Variants in RNF207 observed in about 807,000 individuals in gnomAD.
RNF207 encodes the protein ring finger protein 207, also known as OTTHUMG00000001089.
In RNF207, 72 loss-of-function variants were observed where a neutral mutation model predicts 79.0. That is an observed-to-expected ratio of 0.91 (90% CI 0.75 to 1.11). The LOEUF is 1.11. Ranked by LOEUF, RNF207 falls within the 50% of genes least tolerant of loss-of-function variation. The pLI, the probability that RNF207 is intolerant of heterozygous loss-of-function variation, is 0.00. For synonymous variants in RNF207, 348 were observed against 366.2 expected (o/e 0.95, Z 0.57); for missense variants, 936 against 855.8 (o/e 1.09, Z -1.17).
rs762591529 is a variant in RNF207, at chr1:6,212,662, G to A, written c.1483-20G>A. The A allele has an allele frequency of 1.9e-6, 3 of 1,610,370 alleles. No individual in the cohort carries two copies. The highest frequency in any genetic ancestry group is 1.7e-6 in the Non-Finnish European group (2 of 1,176,684). ...AATTCAGCTCACTGCCACATCCAAT[G>A]TCCAGCTTTTCTCTTTCAGATTTGG... On this transcript the variant is annotated intron_variant, in intron 14 of 17. Transcript: ENST00000377939.
intron 7 of RNF207, 24 bp from the exon 8 acceptor site, chr1:6,209,900 G>A (rs376649595): frequency 3.2e-6 from 5 of 1,568,556 alleles, no homozygotes; most frequent in Non-Finnish European, 4.3e-6. Context: ...CGCAAATCAA[G>A]AGCATGCTCG....
Position 6,211,234 on chromosome 1 carries a change from C to G in RNF207, c.1109+116C>G, listed in dbSNP as rs889175082. The G allele has an allele frequency of 2.8e-6, 2 of 702,422 alleles. No individual in the cohort carries two copies. Among genetic ancestry groups the G allele is most frequent in the African/African-American group, 3.6e-5 (2 of 56,022 alleles). 43.5% of individuals were successfully genotyped at this position (702,422 alleles called of 1,614,324 possible). On this transcript the variant is annotated intron_variant, in intron 12 of 17. Transcript: ENST00000377939. This position sits in a 1 kb window ranked among gnomAD's most constrained non-coding sequence, Gnocchi z 4.2. ...AGCCAGGTGCCACCATTCCTTCCTC[C>G]GTCCTTAGCTCGCCACCCTCCCAGC...
Position 6,213,109 on chromosome 1 carries a change from C to T in RNF207, c.1578C>T (p.Tyr526=), listed in dbSNP as rs886713465. ...DLLQLRQENA[Y]LTTITKQITP... is the part of the protein sequence containing the mutation. ...TCCAGCTGAGGCAGGAGAATGCCTA[C>T]CTGACCACCATCACCAAGCAGATCA... The change falls in exon 16 of 18, where the codon TAC becomes TAT. Residue 526 remains tyrosine (Y), a synonymous_variant. Coordinates refer to ENST00000377939, the MANE Select transcript of RNF207 (RefSeq NM_207396.3). 1.9e-6 allele frequency: 3 copies of T among 1,613,602 alleles called. No homozygotes were observed. Among genetic ancestry groups the T allele is most frequent in the Admixed American group, 1.7e-5 (1 of 59,980 alleles).
chr1:6,213,119 A>T lies in RNF207; in HGVS notation c.1588A>T (p.Ile530Phe). ...GCAGGAGAATGCCTACCTGACCACC[A>T]TCACCAAGCAGATCACGCCCTACGT... ...LRQENAYLTT[I>F]TKQITPYVRS... The change falls in exon 16 of 18, where the codon ATC becomes TTC. Residue 530 changes from isoleucine (I) to phenylalanine (F), a missense_variant. Coordinates refer to ENST00000377939, the MANE Select transcript of RNF207 (RefSeq NM_207396.3). 3 of 1,613,388 alleles carry T rather than the reference A, an allele frequency of 1.9e-6. No individual in the cohort carries two copies. The highest frequency in any genetic ancestry group is 2.5e-6 in the Non-Finnish European group (3 of 1,179,794).
At chr1:6,216,085 T>C (rs1380892413) in intron 16 of RNF207, among the ~76,000 whole-genome samples, 1 of 152,200 alleles carries the variant, frequency 6.6e-6, no homozygotes, top group Non-Finnish European at 1.5e-5. Context: ...GTATGCACAC[T>C]GGGTTTTCTG....
chr1:6,209,520 C>A lies in RNF207; in HGVS notation c.734C>A (p.Ala245Asp). 6.8e-7 allele frequency: 1 copy of A among 1,468,490 alleles called. No individual in the cohort carries two copies. The highest frequency in any genetic ancestry group is 8.9e-7 in the Non-Finnish European group (1 of 1,118,516). The allele number at this position is 1,468,490 out of a possible 1,614,324, so 91.0% of individuals were successfully genotyped here. A position where few individuals can be genotyped will look rare whatever the true frequency, so the allele number is the denominator to read the frequency against. The change falls in exon 7 of 18, where the codon GCC becomes GAC. Residue 245 changes from alanine to aspartate, a missense_variant. Coordinates refer to ENST00000377939, the MANE Select transcript of RNF207 (RefSeq NM_207396.3). ...SAAEEEDAIH[A>D]LFGSMQDRLA... ...GCCGAGGAGGAGGACGCTATCCACGCCCTCTTCGGCAGCATGCAGGTGAGG... is the reference window on the plus strand; with the variant it reads ...GCCGAGGAGGAGGACGCTATCCACGACCTCTTCGGCAGCATGCAGGTGAGG...
chr1:6,210,893 C>T lies in RNF207; in HGVS notation c.966C>T (p.Gly322=). Residue 322 remains glycine, a synonymous_variant, in exon 11 of 18, where the codon GGC becomes GGT. Coordinates refer to ENST00000377939, the MANE Select transcript of RNF207 (RefSeq NM_207396.3). ...AGGAGCTGATGGAGAGGCTGCAGGG[C>T]ATCGTCACGCGGCCGCACCACCTAA... ...LGYELMERLQ[G]IVTRPHHLRP... The T allele has an allele frequency of 1.2e-6, 2 of 1,604,350 alleles. No individual in the cohort carries two copies. Among genetic ancestry groups the T allele is most frequent in the Non-Finnish European group, 1.7e-6 (2 of 1,176,600 alleles).
rs1668416286 is a variant in RNF207, at chr1:6,217,964, G to A, written c.1653-325G>A. ...CCCTCAGTCGGGCCCCAGCTTGGAT[G>A]AGTGTCAGCAGAGGCCCTCCCCACT... On this transcript the variant is annotated intron_variant, in intron 16 of 17. Transcript: ENST00000377939. The surrounding 1 kb of genome is among the most constrained non-coding windows in gnomAD (Gnocchi z 4.2). Among the ~76,000 whole-genome samples the A allele has an allele frequency of 6.6e-6, 1 of 152,214 alleles. No homozygotes were observed. Among genetic ancestry groups the A allele is most frequent in the Non-Finnish European group, 1.5e-5 (1 of 68,046 alleles).
intron 16 of RNF207, among the ~76,000 whole-genome samples, chr1:6,214,882 G>A (rs1008748466): frequency 5.9e-5 from 9 of 151,578 alleles, no homozygotes; most frequent in Non-Finnish European, 7.4e-5. Context: ...TCATCTACCC[G>A]CCTCGCCCTC....
At chr1:6,209,569 CCCAG>C (rs1553147796) in intron 7 of RNF207, 30 bp downstream of exon 7, 17 of 1,436,402 alleles carry the variant, frequency 1.2e-5, no homozygotes, top group Non-Finnish European at 1.4e-5. Flanking sequence ...GGATAAACGA[CCCAG>C]CCGGGACCTG....
chr1:6,211,895 CT>C lies in RNF207; in HGVS notation c.1139del (p.Leu380ArgfsTer10). The C allele has an allele frequency of 1.9e-6, 3 of 1,549,636 alleles. No homozygotes were observed. The highest frequency in any genetic ancestry group is 1.4e-5 in the African/African-American group (1 of 73,138). On this transcript the variant is annotated frameshift_variant, in exon 13 of 18. Transcript: ENST00000377939. LOFTEE classifies it high-confidence loss of function. The surrounding 1 kb of genome is among the most constrained non-coding windows in gnomAD (Gnocchi z 4.2). The part of the protein sequence containing the change: ...TLAGGLGPKA[L>X]TGPHCPSPVG... ...GGCAGGGGGCTTAGGCCCCAAGGCG[CT>C]GACGGGGCCCCACTGCCCCTCCCCA...
At position 6,211,157 on chromosome 1, in the gene RNF207, A is replaced by C; in HGVS notation, c.1109+39A>C. The C allele has an allele frequency of 7.1e-6, 10 of 1,403,480 alleles. No individual in the cohort carries two copies. The highest frequency in any genetic ancestry group is 9.7e-6 in the Non-Finnish European group (10 of 1,028,914). The allele number at this position is 1,403,480 out of a possible 1,614,324, so 86.9% of individuals were successfully genotyped here. On this transcript the variant is annotated intron_variant, in intron 12 of 17. Coordinates refer to ENST00000377939, the MANE Select transcript of RNF207 (RefSeq NM_207396.3). This position sits in a 1 kb window ranked among gnomAD's most constrained non-coding sequence, Gnocchi z 4.2. ...GGGGAGGCCAGGCACAAGGTCCCCAACACTGGGGTGTGGGGGAGGGTGGGC... is the reference window on the plus strand; with the variant it reads ...GGGGAGGCCAGGCACAAGGTCCCCACCACTGGGGTGTGGGGGAGGGTGGGC...
rs761450850 is a variant in RNF207, at chr1:6,208,931, G to C, written c.375G>C (p.Ala125=). The stretch of plus-strand genomic sequence containing the variant: ...ACACGTGCGGACAGCCCCTATGCGC[G>C]CGCTGCCGCGACGAGACGCACCGAG... ...FCNTCGQPLC[A]RCRDETHRAR... The change falls in exon 4 of 18, where the codon GCG becomes GCC. Residue 125 remains alanine (A), a synonymous_variant. Coordinates refer to ENST00000377939, the MANE Select transcript of RNF207 (RefSeq NM_207396.3). 6.5e-7 allele frequency: 1 copy of C among 1,534,748 alleles called. No individual in the cohort carries two copies. Among genetic ancestry groups the C allele is most frequent in the Non-Finnish European group, 8.7e-7 (1 of 1,145,566 alleles).
chr1:6,216,083 A>G (rs553938404), intron 16 of RNF207, among the ~76,000 whole-genome samples: 13 of 152,248 alleles, frequency 8.5e-5, no homozygotes, highest in Admixed American at 2.0e-4. Flanking sequence ...CTGTATGCAC[A>G]CTGGGTTTTC....
chr1:6,209,364 C>A, intron 6 of RNF207, 21 bp downstream of exon 6: 1 of 1,528,668 alleles, frequency 6.5e-7, no homozygotes. Context: ...GGGCCTGGCG[C>A]GCGGGGCCGC....
chr1:6,210,305 G>A lies in RNF207; in HGVS notation c.873+10G>A, dbSNP rs371571805. ...GCTGCCCACCCTGCAGGTACAGGGA[G>A]CTCGGGGTGCGGGTGGGTCCCTCCT... On this transcript the variant is annotated intron_variant, in intron 9 of 17. Transcript: ENST00000377939. 86 of 1,613,488 alleles carry A rather than the reference G, an allele frequency of 5.3e-5. No homozygotes were observed. The highest frequency in any genetic ancestry group is 8.3e-5 in the Admixed American group (5 of 59,968).
In RNF207 at chr1:6,207,073, T is replaced by C. The variant is rs994308799; in HGVS notation, c.192-306T>C. Among the ~76,000 whole-genome samples, 1 of 152,170 alleles carries C rather than the reference T, an allele frequency of 6.6e-6. No homozygotes were observed. The highest frequency in any genetic ancestry group is 6.5e-5 in the Admixed American group (1 of 15,274). On this transcript the variant is annotated intron_variant, in intron 2 of 17. Coordinates refer to ENST00000377939, the MANE Select transcript of RNF207 (RefSeq NM_207396.3). The surrounding 1 kb of genome is among the most constrained non-coding windows in gnomAD (Gnocchi z 4.5). ...GTCCACAAAACCACAGTTTCAGTTA[T>C]GTGGGCTCAAGGAACCCAGGAGTGG...
Position 6,211,809 on chromosome 1 carries a change from G to A in RNF207, c.1110-58G>A. 7.5e-7 allele frequency: 1 copy of A among 1,325,302 alleles called. No homozygotes were observed. Among genetic ancestry groups the A allele is most frequent in the Non-Finnish European group, 1.0e-6 (1 of 954,852 alleles). 82.1% of individuals were successfully genotyped at this position (1,325,302 alleles called of 1,614,324 possible). On this transcript the variant is annotated intron_variant, in intron 12 of 17. Transcript: ENST00000377939. This position sits in a 1 kb window ranked among gnomAD's most constrained non-coding sequence, Gnocchi z 4.2. ...AGCAGTCCAGGGGGCTGCCCTGGGA[G>A]GCTGGGGGAGGGGCAGACTTCCCCA...
chr1:6,209,199 G>A lies in RNF207; in HGVS notation c.551+3G>A, dbSNP rs1348909950. The A allele has an allele frequency of 1.3e-5, 20 of 1,552,732 alleles. No homozygotes were observed. Among genetic ancestry groups the A allele is most frequent in the Non-Finnish European group, 1.7e-5 (20 of 1,147,962 alleles). On this transcript the variant is annotated splice_donor_region_variant and intron_variant, in intron 5 of 17. Coordinates refer to ENST00000377939, the MANE Select transcript of RNF207 (RefSeq NM_207396.3). ...CGCTGCTTCCGCGACATGCAGAAGT[G>A]CGTACAGGGGACGCGAGGGGAGGGG...
Sources: gnomAD v4.1 joint callset for allele counts (sites outside exome capture counted in the v4.1 genomes callset) on GRCh38, gnomAD v4.1.1 for gene constraint, Gnocchi (gnomAD v3.1) non-coding constraint, MANE v1.5 for transcripts, NCBI Gene and HGNC (gene_info 2026-07-23, HGNC 2026-07-21) for gene names.